The following SYT1 variants were observed in gnomAD, a reference collection of about 807,000 sequenced individuals.
SYT1 encodes the protein synaptotagmin 1.
Under a neutral mutation model 44.8 loss-of-function variants are expected in SYT1, and 8 were observed. That is an observed-to-expected ratio of 0.18 (90% CI 0.10 to 0.32). The LOEUF (loss-of-function observed/expected upper bound fraction) is 0.32. Ranked by LOEUF, SYT1 falls within the 10% of genes least tolerant of loss-of-function variation. The pLI is 1.00. For missense variants in SYT1, 286 were observed against 509.3 expected (o/e 0.56, Z 4.22); for synonymous variants, 154 against 188.8 (o/e 0.82, Z 1.51).
chr12:79,001,066 T>C (rs1028645590), intron 2 of SYT1, among the ~76,000 whole-genome samples: 2 of 152,170 alleles, frequency 1.3e-5, no homozygotes, highest in African/African-American at 4.8e-5. Flanking sequence ...TATTTGTCCA[T>C]ACCTTAATTC....
chr12:79,413,290 C>T (rs117978631), intron 9 of SYT1, among the ~76,000 whole-genome samples: 2,395 of 152,270 alleles, frequency 0.016, 44 homozygotes, highest in Non-Finnish European at 0.025. Context: ...TCTCCCAGCA[C>T]AGTTTTTCCC....
chr12:79,271,309 T>G (rs1025742068), intron 4 of SYT1, among the ~76,000 whole-genome samples: 7 of 152,176 alleles, frequency 4.6e-5, no homozygotes, highest in Non-Finnish European at 1.5e-5. Flanking sequence ...GAAGAAGAAA[T>G]AATGACGTTT....
chr12:79,363,630 G>A (rs1883415453), intron 9 of SYT1, among the ~76,000 whole-genome samples: 1 of 151,610 alleles, frequency 6.6e-6, no homozygotes, highest in Admixed American at 6.6e-5. Flanking sequence ...AGCTACATGG[G>A]AAGCTGAGGT....
chr12:78,874,130 A>G (rs67478255), intron 1 of SYT1, among the ~76,000 whole-genome samples: 16,891 of 151,558 alleles, frequency 0.11, 1,048 homozygotes, highest in South Asian at 0.23. Flanking sequence ...AATATTCTCA[A>G]TAACTCCTTG....
intron 6 of SYT1, among the ~76,000 whole-genome samples, chr12:79,294,890 CA>C (rs10591213): frequency 0.015 from 2,057 of 137,084 alleles, 42 homozygotes; most frequent in African/African-American, 0.047. Context: ...CATGATTCCA[CA>C]AAAAAAAAAA....
At chr12:79,143,326 A>G (rs142249006) in intron 3 of SYT1, among the ~76,000 whole-genome samples, 16 of 152,356 alleles carry the variant, frequency 1.1e-4, no homozygotes, top group Non-Finnish European at 1.9e-4. Flanking sequence ...AGTACAACTT[A>G]TTAGGCCCTC....
At chr12:78,999,852 G>A (rs1042132960) in intron 2 of SYT1, among the ~76,000 whole-genome samples, 6 of 152,268 alleles carry the variant, frequency 3.9e-5, no homozygotes, top group South Asian at 2.1e-4. Flanking sequence ...GAGAGAAAAC[G>A]TTCTAATCAC....
chr12:79,395,202 C>A (rs952903577), intron 9 of SYT1, among the ~76,000 whole-genome samples: 6 of 152,008 alleles, frequency 3.9e-5, no homozygotes, highest in African/African-American at 1.4e-4. Flanking sequence ...CAGAGATCAA[C>A]TTTTTTGGTT....
chr12:79,284,457 A>G (rs1050754703), intron 4 of SYT1, among the ~76,000 whole-genome samples: 20 of 151,920 alleles, frequency 1.3e-4, no homozygotes, highest in African/African-American at 4.6e-4. Context: ...CTTGCTTTTT[A>G]GGTATTTACT....
chr12:79,119,359 C>T (rs957052323), intron 3 of SYT1, among the ~76,000 whole-genome samples: 8 of 152,194 alleles, frequency 5.3e-5, no homozygotes, highest in Non-Finnish European at 1.0e-4. Context: ...AGCTTCCTAA[C>T]AAGTCCCTCC....
chr12:79,250,295 G>A (rs535940620), intron 4 of SYT1, among the ~76,000 whole-genome samples: 2 of 152,054 alleles, frequency 1.3e-5, no homozygotes, highest in Non-Finnish European at 2.9e-5. Context: ...ATACCTCCCA[G>A]TAAGAAAAAG....
intron 1 of SYT1, among the ~76,000 whole-genome samples, chr12:78,945,108 G>T (rs979174189): frequency 6.6e-6 from 1 of 152,190 alleles, no homozygotes; most frequent in South Asian, 2.1e-4. Flanking sequence ...AGTAAAACCA[G>T]TTTAAAAGAA....
chr12:79,305,783 G>A (rs1223010794), intron 8 of SYT1, among the ~76,000 whole-genome samples: 1 of 152,048 alleles, frequency 6.6e-6, no homozygotes, highest in Non-Finnish European at 1.5e-5. Context: ...GCAACCCCCC[G>A]CCTCCCGGGT....
chr12:79,308,587 G>A (rs1471740650), intron 8 of SYT1, among the ~76,000 whole-genome samples: 18 of 114,190 alleles, frequency 1.6e-4, no homozygotes, highest in African/African-American at 5.6e-4. Flanking sequence ...AGAAGGAAAA[G>A]AAAGAAGAAA....
chr12:79,286,961 C>T (rs1036745214), intron 5 of SYT1, among the ~76,000 whole-genome samples: 4 of 152,096 alleles, frequency 2.6e-5, no homozygotes, highest in African/African-American at 9.7e-5. Context: ...TCCTCTTATA[C>T]TATTAATTAC....
At chr12:79,130,876 T>C (rs893646941) in intron 3 of SYT1, among the ~76,000 whole-genome samples, 2 of 152,208 alleles carry the variant, frequency 1.3e-5, no homozygotes, top group Non-Finnish European at 2.9e-5. Flanking sequence ...CCCTTCATAG[T>C]TCTTAACACA....
intron 8 of SYT1, among the ~76,000 whole-genome samples, chr12:79,349,603 GGC>G (rs1421306374): frequency 9.9e-5 from 15 of 152,066 alleles, no homozygotes; most frequent in African/African-American, 3.4e-4. Context: ...TCGTTCACAG[GGC>G]TATTCTAGAA....
chr12:79,118,997 A>G (rs1342397439), intron 3 of SYT1, among the ~76,000 whole-genome samples: 1 of 152,056 alleles, frequency 6.6e-6, no homozygotes, highest in Non-Finnish European at 1.5e-5. Context: ...TGAATTCCCT[A>G]TTCTCTATGT....
At chr12:79,337,088 G>GC (rs113489121) in intron 8 of SYT1, among the ~76,000 whole-genome samples, 8,449 of 152,000 alleles carry the variant, frequency 0.056, 506 homozygotes, top group African/African-American at 0.15. Context: ...CCAGTGTTGG[G>GC]ACCCCTTGGC....
Sources: allele counts gnomAD v4.1 joint callset (sites outside exome capture counted in the v4.1 genomes callset), GRCh38; gene constraint gnomAD v4.1.1; transcripts MANE v1.5; gene names NCBI Gene and HGNC (gene_info 2026-07-23, HGNC 2026-07-21).